TEX15: variants seen among roughly 807,000 people sequenced by gnomAD.
TEX15 encodes testis-expressed protein 15.
TEX15 carries 171 observed loss-of-function variants against 237.3 expected under a neutral mutation model. The observed-to-expected ratio is 0.72, with a 90% CI of 0.64 to 0.82. The LOEUF is 0.82. TEX15 is among the 40% of genes least tolerant of loss of function. TEX15 has a pLI of 0.00. For missense variants in TEX15, 3,750 were observed against 3,646.5 expected (o/e 1.03, Z -0.73); for synonymous variants, 1,338 against 1,269.8 (o/e 1.05, Z -1.14).
At chr8:30,858,538 T>A (rs1286375017) in intron 7 of TEX15, 130 bp downstream of exon 7, 4 of 730,102 alleles carry the variant, frequency 5.5e-6, no homozygotes. Flanking sequence ...CCTCAAGTAA[T>A]CCGCCCACTT....
intron 3 of TEX15, among the ~76,000 whole-genome samples, chr8:30,883,800 G>A (rs1041907536): frequency 5.3e-5 from 8 of 151,994 alleles, no homozygotes; most frequent in Non-Finnish European, 8.8e-5. Context: ...AAATATTACC[G>A]CAATAAACAT....
At chr8:30,877,979 T>C (rs749340682) in intron 3 of TEX15, among the ~76,000 whole-genome samples, 26 of 152,116 alleles carry the variant, frequency 1.7e-4, no homozygotes, top group Non-Finnish European at 2.6e-4. Context: ...CACACCCCCA[T>C]TCTCCTACCC....
rs1260944350 is a variant in TEX15, at chr8:30,843,761, A to G, written c.6406T>C (p.Tyr2136His). ...GTCTGTAACTCACAGAATGCATTAT[A>G]TTTTAATCTTCCTTGGAAACCAGGA... ...FYPGFQGRLK[Y>H]NAFCELQTYH... Residue 2136 changes from tyrosine (Y) to histidine (H), a missense_variant, in exon 8 of 11, where the codon TAT (tyrosine) becomes CAT (histidine). By Grantham distance (83) the Tyr-to-His change is moderately conservative. Transcript: ENST00000643185. 6.2e-7 allele frequency: 1 copy of G among 1,613,468 alleles called. No homozygotes were observed. Among genetic ancestry groups the G allele is most frequent in the African/African-American group, 1.3e-5 (1 of 75,020 alleles).
At chr8:30,903,028 G>T (rs1182101564) in intron 1 of TEX15, among the ~76,000 whole-genome samples, 6 of 152,190 alleles carry the variant, frequency 3.9e-5, no homozygotes, top group Non-Finnish European at 8.8e-5. Context: ...TTTTGATAAT[G>T]CATATTACAT....
At chr8:30,851,352 G>A (rs559768665) in intron 7 of TEX15, among the ~76,000 whole-genome samples, 27 of 152,314 alleles carry the variant, frequency 1.8e-4, no homozygotes, top group East Asian at 7.7e-4. Context: ...TAATATGGCC[G>A]GGCAAGGTGG....
chr8:30,883,694 T>G (rs1358389329), intron 3 of TEX15, among the ~76,000 whole-genome samples: 1 of 152,234 alleles, frequency 6.6e-6, no homozygotes, highest in Non-Finnish European at 1.5e-5. Context: ...TTCCTTTTTA[T>G]GGCCGCATAT....
intron 3 of TEX15, among the ~76,000 whole-genome samples, chr8:30,881,774 G>A (rs750427761): frequency 9.2e-5 from 14 of 151,528 alleles, no homozygotes; most frequent in South Asian, 4.2e-4. Flanking sequence ...GGCGCATACC[G>A]CCATGCCTGG....
At chr8:30,855,484 A>G (rs1807889879) in intron 7 of TEX15, among the ~76,000 whole-genome samples, 1 of 152,204 alleles carries the variant, frequency 6.6e-6, no homozygotes, top group African/African-American at 2.4e-5. Flanking sequence ...ACTCTCAGAC[A>G]CTGCTGATGT....
In TEX15 at chr8:30,845,837, T is replaced by C; in HGVS notation, c.4330A>G (p.Lys1444Glu). 2 of 1,609,736 alleles carry C rather than the reference T, an allele frequency of 1.2e-6. No homozygotes were observed. Among genetic ancestry groups the C allele is most frequent in the African/African-American group, 1.3e-5 (1 of 74,636 alleles). The change falls in exon 8 of 11, where the codon AAG becomes GAG. Residue 1444 changes from lysine to glutamate, a missense_variant. Coordinates refer to ENST00000643185, the MANE Select transcript of TEX15 (RefSeq NM_001350162.2). ...TATTTTCTTTTTGACGAAAAATGCT[T>C]AGTAGAATAATATTTTCTTTGAGAC... ...SVSQRKYYST[K>E]HFSSKRKYDK...
intron 7 of TEX15, 79 bp from the exon 8 acceptor site, chr8:30,849,395 G>T: frequency 1.3e-6 from 1 of 783,164 alleles, no homozygotes; most frequent in Non-Finnish European, 1.9e-6. Context: ...ATTGTGTCCA[G>T]TAATTTTAAT....
chr8:30,834,755 G>C (rs1807254719), intron 10 of TEX15, among the ~76,000 whole-genome samples: 1 of 152,132 alleles, frequency 6.6e-6, no homozygotes, highest in Non-Finnish European at 1.5e-5. Flanking sequence ...GGACTGTGAA[G>C]GGCTCTGCAT....
At chr8:30,860,309 C>T (rs933904966) in intron 5 of TEX15, among the ~76,000 whole-genome samples, 1 of 151,716 alleles carries the variant, frequency 6.6e-6, no homozygotes. Flanking sequence ...AACCAGGTTT[C>T]ACCATGTTGC....
chr8:30,880,328 C>G (rs1249528184), intron 3 of TEX15, among the ~76,000 whole-genome samples: 1 of 152,220 alleles, frequency 6.6e-6, no homozygotes, highest in Non-Finnish European at 1.5e-5. Context: ...CCATGACCGG[C>G]TGCCCAAAGT....
At chr8:30,859,497 A>G (rs1471323539) in intron 6 of TEX15, among the ~76,000 whole-genome samples, 1 of 152,116 alleles carries the variant, frequency 6.6e-6, no homozygotes, top group African/African-American at 2.4e-5. Context: ...TACAATGAGG[A>G]GTAATTAAAT....
chr8:30,833,342 C>T lies in TEX15; in HGVS notation c.9482-19G>A. ...CATGGAGCTGGAAGAAAAAACACCA[C>T]AAAGATTTAAATAAATAATTTAGAC... On this transcript the variant is annotated intron_variant, in intron 10 of 10. Coordinates refer to ENST00000643185, the MANE Select transcript of TEX15 (RefSeq NM_001350162.2). The T allele has an allele frequency of 6.4e-7, 1 of 1,573,440 alleles. No individual in the cohort carries two copies. Among genetic ancestry groups the T allele is most frequent in the South Asian group, 1.2e-5 (1 of 86,320 alleles).
intron 7 of TEX15, among the ~76,000 whole-genome samples, chr8:30,852,100 CTTTTTTTTTTT>C (rs910989172): frequency 8.8e-5 from 8 of 90,408 alleles, no homozygotes; most frequent in South Asian, 4.0e-4. Flanking sequence ...TTAATTTAAT[CTTTTTTTTTTT>C]TTTTTTTTTT....
At chr8:30,870,190 AAGAC>A (rs1163302166) in intron 4 of TEX15, among the ~76,000 whole-genome samples, 6 of 151,990 alleles carry the variant, frequency 3.9e-5, no homozygotes, top group African/African-American at 1.4e-4. Flanking sequence ...ATAAATGTAA[AAGAC>A]AGATGAGAAA....
At chr8:30,862,711 C>T (rs962214320) in intron 5 of TEX15, among the ~76,000 whole-genome samples, 1 of 152,058 alleles carries the variant, frequency 6.6e-6, no homozygotes, top group Admixed American at 6.6e-5. Flanking sequence ...ATCAGGATAC[C>T]TACTGTGATT....
chr8:30,876,837 T>C (rs561975029), intron 3 of TEX15, among the ~76,000 whole-genome samples: 110 of 152,284 alleles, frequency 7.2e-4, no homozygotes, highest in Non-Finnish European at 1.4e-3. Context: ...TCATGTGTCA[T>C]GGGAGGGACC....
Sources: gnomAD v4.1 joint callset for allele counts (sites outside exome capture counted in the v4.1 genomes callset) on GRCh38, gnomAD v4.1.1 for gene constraint, MANE v1.5 for transcripts, NCBI Gene and HGNC (gene_info 2026-07-23, HGNC 2026-07-21) for gene names.